DYNLT2B: variants seen among roughly 807,000 people sequenced by gnomAD.
DYNLT2B encodes dynein light chain Tctex-type protein 2B.
Under a neutral mutation model 19.5 loss-of-function variants are expected in DYNLT2B, and 14 were observed. The ratio of observed to expected loss-of-function variants is 0.72; its 90% CI spans 0.47 to 1.12. The LOEUF (loss-of-function observed/expected upper bound fraction) is 1.12, where lower values mean the gene tolerates loss of function less well. DYNLT2B is among the 50% of genes most tolerant of loss of function. DYNLT2B has a pLI of 0.00. For synonymous variants in DYNLT2B, 70 were observed against 59.7 expected (o/e 1.17, Z -0.79); for missense variants, 133 against 174.7 (o/e 0.76, Z 1.35).
intron 2 of DYNLT2B, among the ~76,000 whole-genome samples, chr3:196,310,727 C>CTGTTT (rs1277973794): frequency 1.2e-4 from 18 of 151,656 alleles, no homozygotes; most frequent in Admixed American, 3.3e-4. Context: ...CTCACCTGGC[C>CTGTTT]TGTTTTGTTT....
At chr3:196,299,774 A>C (rs1053902264) in intron 3 of DYNLT2B, among the ~76,000 whole-genome samples, 1 of 151,950 alleles carries the variant, frequency 6.6e-6, no homozygotes, top group Non-Finnish European at 1.5e-5. Context: ...TACTAAAAAT[A>C]CAAAAAATTA....
intron 3 of DYNLT2B, among the ~76,000 whole-genome samples, chr3:196,304,385 G>C (rs1215367478): frequency 2.0e-5 from 3 of 152,078 alleles, no homozygotes; most frequent in Non-Finnish European, 4.4e-5. Flanking sequence ...CACCCACCTC[G>C]GTCCCCCAAA....
chr3:196,292,022 G>C (rs1477007763), intron 4 of DYNLT2B, among the ~76,000 whole-genome samples: 1 of 152,166 alleles, frequency 6.6e-6, no homozygotes, highest in Non-Finnish European at 1.5e-5. Context: ...TGTATGAAAT[G>C]CTTTGAGTTT....
intron 2 of DYNLT2B, among the ~76,000 whole-genome samples, chr3:196,312,705 C>T (rs1265141055): frequency 1.3e-5 from 2 of 152,044 alleles, no homozygotes; most frequent in East Asian, 1.9e-4. Context: ...GTGATCCACC[C>T]GGCTCCGCCT....
intron 2 of DYNLT2B, among the ~76,000 whole-genome samples, chr3:196,314,466 A>G (rs1726721822): frequency 6.6e-6 from 1 of 151,368 alleles, no homozygotes; most frequent in South Asian, 2.1e-4. Flanking sequence ...CTGTCTCAAA[A>G]AGAAAAAAAA....
intron 3 of DYNLT2B, among the ~76,000 whole-genome samples, chr3:196,296,724 T>C (rs1374179087): frequency 6.6e-6 from 1 of 152,148 alleles, no homozygotes; most frequent in Non-Finnish European, 1.5e-5. Context: ...AATAATGATG[T>C]TTTCTGGCAA....
intron 2 of DYNLT2B, among the ~76,000 whole-genome samples, chr3:196,312,449 T>G (rs1040163330): frequency 1.3e-5 from 2 of 152,010 alleles, no homozygotes; most frequent in African/African-American, 4.8e-5. Context: ...AAACTATGTA[T>G]ATTCTACTTT....
rs894199943 is a variant in DYNLT2B, at chr3:196,316,201, G to A, written c.144C>T (p.Ile48=). ...CCAGTTCCTCCTTGAGCACAGCATGGATACAGTCTTTAACCACAGAGGGCC... is the reference window on the plus strand; with the variant it reads ...CCAGTTCCTCCTTGAGCACAGCATGAATACAGTCTTTAACCACAGAGGGCC... The part of the protein sequence containing the change: ...RFRPSVVKDC[I]HAVLKEELAN... Residue 48 remains isoleucine (I), a synonymous_variant, in exon 2 of 5, where the codon ATC becomes ATT. Transcript: ENST00000325318. 7 of 1,613,006 alleles carry A rather than the reference G, an allele frequency of 4.3e-6. No homozygotes were observed. The highest frequency in any genetic ancestry group is 5.1e-6 in the Non-Finnish European group (6 of 1,179,548).
chr3:196,308,115 A>T (rs1409977766), intron 2 of DYNLT2B, among the ~76,000 whole-genome samples: 1 of 151,872 alleles, frequency 6.6e-6, no homozygotes, highest in East Asian at 1.9e-4. Flanking sequence ...TAGAAAAATA[A>T]ATTATAAATT....
intron 4 of DYNLT2B, among the ~76,000 whole-genome samples, chr3:196,294,950 C>G (rs1486578595): frequency 6.6e-6 from 1 of 151,958 alleles, no homozygotes; most frequent in Non-Finnish European, 1.5e-5. Context: ...CAATGTTGGC[C>G]AGGCTGCTCT....
intron 1 of DYNLT2B, among the ~76,000 whole-genome samples, chr3:196,317,352 AG>A (rs1726880159): frequency 1.6e-5 from 1 of 62,666 alleles, no homozygotes; most frequent in Non-Finnish European, 3.2e-5. Flanking sequence ...CTGGCCCGTG[AG>A]CCTGATATTT....
At chr3:196,296,613 T>G (rs548709987) in intron 3 of DYNLT2B, among the ~76,000 whole-genome samples, 1 of 152,228 alleles carries the variant, frequency 6.6e-6, no homozygotes, top group East Asian at 1.9e-4. Context: ...AAAAGCCAAT[T>G]AAAAATGGAA....
In DYNLT2B at chr3:196,291,366, T is replaced by C. The variant is rs1264057940; in HGVS notation, c.390A>G (p.Leu130=). The part of the protein sequence containing the change: ...YTHDVFMNDS[L]FCVVAAFGCF... ...AGCCAAATGCTGCTACAACGCAGAA[T>C]AAACTGTCCTAAAAAATAAATACAA... Residue 130 remains leucine (L), a synonymous_variant, in exon 5 of 5, where the codon TTA becomes TTG. Coordinates refer to ENST00000325318, the MANE Select transcript of DYNLT2B (RefSeq NM_152773.5). The C allele has an allele frequency of 6.2e-7, 1 of 1,609,816 alleles. No individual in the cohort carries two copies. The highest frequency in any genetic ancestry group is 1.1e-5 in the South Asian group (1 of 90,044).
In DYNLT2B at chr3:196,313,610, G is replaced by A. The variant is rs959877796; in HGVS notation, c.247+2488C>T. On this transcript the variant is annotated intron_variant, in intron 2 of 4. Transcript: ENST00000325318. ...ACCATTTTTTACAAAAAATCTTAAC[G>A]ATGAACCTTCATTAAAAAGTCTAAA... is the stretch of plus-strand genomic sequence containing the variant. 3.9e-5 allele frequency among the ~76,000 whole-genome samples: 6 copies of A among 152,088 alleles called. No individual in the cohort carries two copies. In the East Asian group the frequency reaches 7.7e-4, roughly 20 times the overall value.
intron 2 of DYNLT2B, among the ~76,000 whole-genome samples, chr3:196,307,460 A>G (rs1354678420): frequency 6.6e-6 from 1 of 151,894 alleles, no homozygotes; most frequent in African/African-American, 2.4e-5. Flanking sequence ...GCATCACCAC[A>G]CCTGGCTAAT....
At chr3:196,304,075 G>A (rs902059942) in intron 3 of DYNLT2B, among the ~76,000 whole-genome samples, 1 of 152,106 alleles carries the variant, frequency 6.6e-6, no homozygotes, top group Non-Finnish European at 1.5e-5. Flanking sequence ...TGGAGTATAC[G>A]CTAACTCTGC....
At chr3:196,316,925 G>A (rs1459547798) in intron 1 of DYNLT2B, among the ~76,000 whole-genome samples, 2 of 131,598 alleles carry the variant, frequency 1.5e-5, no homozygotes, top group African/African-American at 6.1e-5. Flanking sequence ...GTGTGTGTGT[G>A]TGTTGTGTGG....
At chr3:196,315,967 AG>A in intron 2 of DYNLT2B, 130 bp downstream of exon 2, 1 of 950,044 alleles carries the variant, frequency 1.1e-6, no homozygotes, top group East Asian at 2.7e-5. Context: ...GGCATGCTAA[AG>A]TGTTGGGATT....
intron 2 of DYNLT2B, among the ~76,000 whole-genome samples, chr3:196,313,041 G>C (rs1020787694): frequency 6.6e-6 from 1 of 152,008 alleles, no homozygotes; most frequent in Non-Finnish European, 1.5e-5. Flanking sequence ...ACTCAACAAT[G>C]AAAATGACAT....
Sources: gnomAD v4.1 joint callset for allele counts (sites outside exome capture counted in the v4.1 genomes callset) on GRCh38, gnomAD v4.1.1 for gene constraint, MANE v1.5 for transcripts, NCBI Gene and HGNC (gene_info 2026-07-23, HGNC 2026-07-21) for gene names.